The following LPCAT2 variants were observed in gnomAD, a reference collection of about 807,000 sequenced individuals.
LPCAT2 encodes the protein 1-AGP acyltransferase 11.
Under a neutral mutation model 64.7 loss-of-function variants are expected in LPCAT2, and 58 were observed. The observed-to-expected ratio is 0.90, with a 90% confidence interval of 0.73 to 1.12. The LOEUF (loss-of-function observed/expected upper bound fraction) is 1.12. LPCAT2 is among the 50% of genes most tolerant of loss of function. LPCAT2 has a pLI of 0.00. For missense variants in LPCAT2, 579 were observed against 669.8 expected, an observed-to-expected ratio of 0.86 and a Z score of 1.50; for synonymous variants, 252 against 245.3, an observed-to-expected ratio of 1.03 and a Z score of -0.26.
intron 9 of LPCAT2, 94 bp from the exon 10 acceptor site, chr16:55,549,183 T>C (rs1963486143): frequency 2.0e-6 from 2 of 980,858 alleles, no homozygotes; most frequent in Admixed American, 2.9e-5. Context: ...ACTTTTTCAT[T>C]TGCTGTCGTT....
chr16:55,568,338 T>C (rs573163103), intron 11 of LPCAT2, among the ~76,000 whole-genome samples: 20 of 152,320 alleles, frequency 1.3e-4, no homozygotes, highest in African/African-American at 4.3e-4. Context: ...TTGTCGTGTC[T>C]TGTCCTGCCT....
intron 7 of LPCAT2, among the ~76,000 whole-genome samples, chr16:55,535,695 G>A (rs1343898497): frequency 2.0e-5 from 3 of 152,134 alleles, no homozygotes; most frequent in African/African-American, 7.2e-5. Flanking sequence ...AAGTATTTGG[G>A]AAAACGAAGT....
In LPCAT2 at chr16:55,535,781, C is replaced by T. The variant is rs1250845969; in HGVS notation, c.797+1304C>T. ...CTTTGGGCCTTTACAGGTTAAGTTC[C>T]TTACAGAGATAGTGATGTGGCCAAT... On this transcript the variant is annotated intron_variant, in intron 7 of 13. Coordinates refer to ENST00000262134, the MANE Select transcript of LPCAT2 (RefSeq NM_017839.5). Among the ~76,000 whole-genome samples, 3 of 152,100 alleles carry T rather than the reference C, an allele frequency of 2.0e-5. No individual in the cohort carries two copies. In the East Asian group the frequency reaches 5.8e-4, roughly 29 times the overall value.
intron 4 of LPCAT2, 87 bp downstream of exon 4, chr16:55,530,034 C>CA: frequency 1.1e-6 from 1 of 915,392 alleles, no homozygotes; most frequent in South Asian, 1.7e-5. Context: ...CCACAGATAG[C>CA]AATATCTGTG....
In LPCAT2 at chr16:55,542,841, TGGCTGA is replaced by T. The variant is rs570471315; in HGVS notation, c.853-2891_853-2886del. 8.0e-3 allele frequency among the ~76,000 whole-genome samples: 1,217 copies of T among 152,268 alleles called. 10 individuals carry two copies. The highest frequency in any genetic ancestry group is 0.013 in the Non-Finnish European group (885 of 68,018). ...GATTAGAGTCATAAGTTTGTTTCCA[TGGCTGA>T]GGTAGAGTCTAGAAGAATATCTGTG... On this transcript the variant is annotated intron_variant, in intron 8 of 13. Coordinates refer to ENST00000262134, the MANE Select transcript of LPCAT2 (RefSeq NM_017839.5).
At position 55,529,954 on chromosome 16, in the gene LPCAT2, C is replaced by T; in HGVS notation, c.642+7C>T. On this transcript the variant is annotated splice_region_variant and intron_variant, in intron 4 of 13. Transcript: ENST00000262134. ...AGGAGGAGAATGGCCCCAGGTAAAA[C>T]ATGGTAGATGTTAATTTAAATATAG... 6.3e-7 allele frequency: 1 copy of T among 1,585,066 alleles called. No homozygotes were observed. The highest frequency in any genetic ancestry group is 8.6e-7 in the Non-Finnish European group (1 of 1,159,200).
Position 55,549,307 on chromosome 16 carries a change from C to A in LPCAT2, c.966C>A (p.Thr322=). Residue 322 remains threonine (T), a synonymous_variant, in exon 10 of 14, where the codon ACC becomes ACA. Coordinates refer to ENST00000262134, the MANE Select transcript of LPCAT2 (RefSeq NM_017839.5). ...TGGGAATACCAGTAACAGATCATAC[C>A]TATGAAGACTGCAGATTGATGATTT... ...EALGIPVTDH[T]YEDCRLMISA... 1 of 1,600,968 alleles carries A rather than the reference C, an allele frequency of 6.2e-7. No homozygotes were observed.
At chr16:55,582,843 A>C (rs1175133071) in intron 13 of LPCAT2, 71 bp from the exon 14 acceptor site, 2 of 975,986 alleles carry the variant, frequency 2.0e-6, no homozygotes, top group African/African-American at 1.6e-5. Flanking sequence ...TATTAGAGTC[A>C]TTTATTAATC....
chr16:55,525,844 A>C, intron 2 of LPCAT2, 197 bp downstream of exon 2: 1 of 340,284 alleles, frequency 2.9e-6, no homozygotes, highest in Non-Finnish European at 5.2e-6. Context: ...TTTATTTCTC[A>C]TATGAAATAC....
chr16:55,531,909 C>T lies in LPCAT2; in HGVS notation c.643-5C>T, dbSNP rs759569396. On this transcript the variant is annotated splice_polypyrimidine_tract_variant and splice_region_variant and intron_variant, in intron 4 of 13. Transcript: ENST00000262134. Reference sequence around the variant, plus strand: ...AAATATTAAATCTATTCCTTTTTTCCCAAGATACTAGTTTTCCCAGAAGGT... The same window carrying T: ...AAATATTAAATCTATTCCTTTTTTCTCAAGATACTAGTTTTCCCAGAAGGT... 11 of 1,554,758 alleles carry T rather than the reference C, an allele frequency of 7.1e-6. No individual in the cohort carries two copies. In the South Asian group the frequency reaches 1.1e-4, roughly 16 times the overall value.
chr16:55,539,913 T>C (rs746938416), intron 8 of LPCAT2: 16 of 152,170 alleles, frequency 1.1e-4, no homozygotes, highest in Admixed American at 1.0e-3. Flanking sequence ...AAGAATATGG[T>C]ATTAATTTTA....
chr16:55,531,663 C>T (rs1963254479), intron 4 of LPCAT2, among the ~76,000 whole-genome samples: 3 of 152,138 alleles, frequency 2.0e-5, no homozygotes, highest in Admixed American at 6.6e-5. Context: ...TTAGTTTTAT[C>T]ATTAAGAGAC....
intron 1 of LPCAT2, among the ~76,000 whole-genome samples, chr16:55,512,353 T>C (rs1246092534): frequency 2.0e-5 from 3 of 152,200 alleles, no homozygotes; most frequent in African/African-American, 7.2e-5. Context: ...ACGAAGGCAC[T>C]ATAGAGCAAC....
intron 1 of LPCAT2, among the ~76,000 whole-genome samples, chr16:55,518,883 AC>A (rs545880425): frequency 2.3e-4 from 35 of 152,276 alleles, no homozygotes; most frequent in African/African-American, 8.4e-4. Flanking sequence ...GGTTTTCTAG[AC>A]ATACAACGAA....
At chr16:55,545,952 G>A in intron 9 of LPCAT2, 135 bp downstream of exon 9, 1 of 638,134 alleles carries the variant, frequency 1.6e-6, no homozygotes, top group East Asian at 2.8e-5. Context: ...GTAAAATAAT[G>A]TGCCCAGGGA....
chr16:55,543,161 C>G (rs1488494927), intron 8 of LPCAT2, among the ~76,000 whole-genome samples: 2 of 152,068 alleles, frequency 1.3e-5, no homozygotes, highest in African/African-American at 4.8e-5. Context: ...CATTGAATTG[C>G]TTCTTAGGAG....
intron 1 of LPCAT2, among the ~76,000 whole-genome samples, chr16:55,513,513 A>C (rs1380282793): frequency 8.8e-6 from 1 of 114,130 alleles, no homozygotes; most frequent in African/African-American, 2.8e-5. Flanking sequence ...AAAAGCAATG[A>C]AAACAAAAAA....
At chr16:55,576,321 T>A (rs1963827524) in intron 12 of LPCAT2, among the ~76,000 whole-genome samples, 1 of 152,210 alleles carries the variant, frequency 6.6e-6, no homozygotes, top group African/African-American at 2.4e-5. Flanking sequence ...CATATAGGAT[T>A]CTTTTACATA....
intron 7 of LPCAT2, among the ~76,000 whole-genome samples, chr16:55,536,582 C>A (rs1447184298): frequency 6.6e-6 from 1 of 152,060 alleles, no homozygotes; most frequent in East Asian, 1.9e-4. Flanking sequence ...TAAATTATTT[C>A]TTTTAACTAA....
Sources: gnomAD v4.1 joint callset for allele counts (sites outside exome capture counted in the v4.1 genomes callset) on GRCh38, gnomAD v4.1.1 for gene constraint, MANE v1.5 for transcripts, NCBI Gene and HGNC (gene_info 2026-07-23, HGNC 2026-07-21) for gene names.